GPC5: variants seen among roughly 807,000 people sequenced by gnomAD.
GPC5 encodes the protein glypican-5.
A neutral mutation model predicts 53.9 loss-of-function variants in GPC5; 47 were observed. The ratio of observed to expected loss-of-function variants is 0.87; its 90% CI spans 0.69 to 1.11. The LOEUF (loss-of-function observed/expected upper bound fraction) is 1.11. Among genes scored for constraint, GPC5 ranks in the 50% most tolerant of loss-of-function variants. The pLI is 0.00. For missense variants in GPC5, 748 were observed against 713.1 expected, an observed-to-expected ratio of 1.05 and a Z score of -0.56; for synonymous variants, 286 against 263.3, an observed-to-expected ratio of 1.09 and a Z score of -0.84.
chr13:92,741,682 A>G (rs1475157877), intron 7 of GPC5, among the ~76,000 whole-genome samples: 2 of 152,028 alleles, frequency 1.3e-5, no homozygotes, highest in Non-Finnish European at 2.9e-5. Flanking sequence ...GCTGTGCTGC[A>G]CCCATTAACT....
At chr13:92,272,476 G>A (rs1026026879) in intron 7 of GPC5, among the ~76,000 whole-genome samples, 3 of 152,170 alleles carry the variant, frequency 2.0e-5, no homozygotes, top group African/African-American at 7.2e-5. Context: ...TAGGAAGATA[G>A]TGATTCTGCC....
chr13:91,854,991 G>A (rs2038951732), intron 5 of GPC5, among the ~76,000 whole-genome samples: 1 of 151,654 alleles, frequency 6.6e-6, no homozygotes, highest in African/African-American at 2.4e-5. Context: ...GCCTGGAAAT[G>A]TGAATACATG....
intron 7 of GPC5, among the ~76,000 whole-genome samples, chr13:92,725,235 T>C (rs1888611391): frequency 6.6e-6 from 1 of 151,534 alleles, no homozygotes; most frequent in Non-Finnish European, 1.5e-5. Context: ...CCTGGAATTG[T>C]GATTGTCTCA....
intron 5 of GPC5, among the ~76,000 whole-genome samples, chr13:91,876,575 C>T (rs1344061235): frequency 6.6e-6 from 1 of 152,124 alleles, no homozygotes. Flanking sequence ...TTTAGGGTAT[C>T]TGGTGGAAAA....
chr13:91,929,336 G>T (rs2039798917), intron 6 of GPC5, among the ~76,000 whole-genome samples: 1 of 151,976 alleles, frequency 6.6e-6, no homozygotes, highest in Non-Finnish European at 1.5e-5. Flanking sequence ...AGTAGACTTT[G>T]TATCCTTTAG....
chr13:92,375,062 C>T (rs934392526), intron 7 of GPC5, among the ~76,000 whole-genome samples: 4 of 152,042 alleles, frequency 2.6e-5, no homozygotes, highest in South Asian at 4.1e-4. Flanking sequence ...AGGCCAATGC[C>T]TATTACCAGC....
chr13:92,617,363 T>G (rs1237121451), intron 7 of GPC5, among the ~76,000 whole-genome samples: 1 of 152,214 alleles, frequency 6.6e-6, no homozygotes, highest in Non-Finnish European at 1.5e-5. Flanking sequence ...CTTTCCATTC[T>G]GAATCTCCTT....
At chr13:92,267,159 A>C (rs2042808178) in intron 7 of GPC5, among the ~76,000 whole-genome samples, 1 of 152,130 alleles carries the variant, frequency 6.6e-6, no homozygotes. Flanking sequence ...GCTTAAAAAC[A>C]ACTAATCAAA....
chr13:91,829,395 T>C (rs2038621657), intron 5 of GPC5, among the ~76,000 whole-genome samples: 1 of 152,086 alleles, frequency 6.6e-6, no homozygotes, highest in Non-Finnish European at 1.5e-5. Flanking sequence ...GATCCTGTAC[T>C]GGGAAAAACT....
intron 7 of GPC5, among the ~76,000 whole-genome samples, chr13:92,363,624 C>G (rs952652662): frequency 4.0e-5 from 6 of 151,718 alleles, no homozygotes; most frequent in Non-Finnish European, 5.9e-5. Context: ...AGCCTGGTAC[C>G]AGTCCAGGGC....
chr13:91,749,614 G>A (rs1036580157), intron 4 of GPC5, among the ~76,000 whole-genome samples: 1 of 152,152 alleles, frequency 6.6e-6, no homozygotes, highest in African/African-American at 2.4e-5. Context: ...CCCAATAGTG[G>A]GATTGCTGGA....
intron 7 of GPC5, among the ~76,000 whole-genome samples, chr13:92,459,763 T>C (rs1468721240): frequency 6.6e-6 from 1 of 152,208 alleles, no homozygotes; most frequent in Non-Finnish European, 1.5e-5. Context: ...ATATAACCTA[T>C]GTCAGCAACT....
chr13:92,448,714 G>C (rs1374056447), intron 7 of GPC5: 4 of 151,456 alleles, frequency 2.6e-5, no homozygotes, highest in African/African-American at 9.7e-5. Flanking sequence ...TCTTTTTGTT[G>C]AGTTTATTAT....
rs66619017 is a variant in GPC5 at position 92,200,974 on chromosome 13, GACACACACACACACAC to G, written c.1561+56006_1561+56021del. Among the ~76,000 whole-genome samples, 537 of 147,028 alleles carry G rather than the reference GACACACACACACACAC, an allele frequency of 3.7e-3. 4 individuals carry two copies. Among genetic ancestry groups the G allele is most frequent in the Non-Finnish European group, 5.1e-3 (335 of 66,038 alleles). ...CAACAGACAGACACACAGGCACTCA[GACACACACACACACAC>G]ACACACACACACACACACACGCACA... On this transcript the variant is annotated intron_variant, in intron 7 of 7. Transcript: ENST00000377067.
chr13:92,475,999 T>C lies in GPC5; in HGVS notation c.1561+331010T>C, dbSNP rs529632259. Among the ~76,000 whole-genome samples, 6 of 152,132 alleles carry C rather than the reference T, an allele frequency of 3.9e-5. No individual in the cohort carries two copies. In the East Asian group the frequency reaches 5.8e-4, roughly 15 times the overall value. On this transcript the variant is annotated intron_variant, in intron 7 of 7. Transcript: ENST00000377067. ...TAGGCATGGGCAAGGACTTCATGTCTAAAACACCAAAAGCAATGGCAACAA... is the reference window on the plus strand; with the variant it reads ...TAGGCATGGGCAAGGACTTCATGTCCAAAACACCAAAAGCAATGGCAACAA...
chr13:91,783,431 TTTAA>T (rs1435326329), intron 5 of GPC5, among the ~76,000 whole-genome samples: 5 of 152,138 alleles, frequency 3.3e-5, no homozygotes, highest in East Asian at 3.9e-4. Context: ...TAGTTTTTAC[TTTAA>T]TTAATTTATT....
chr13:91,609,543 C>T (rs2033483013), intron 2 of GPC5, among the ~76,000 whole-genome samples: 1 of 152,152 alleles, frequency 6.6e-6, no homozygotes, highest in Non-Finnish European at 1.5e-5. Flanking sequence ...CCAGAGGTTT[C>T]ACATAAACCC....
chr13:91,773,063 C>T (rs552204790), intron 5 of GPC5, among the ~76,000 whole-genome samples: 5 of 152,076 alleles, frequency 3.3e-5, no homozygotes, highest in African/African-American at 7.2e-5. Flanking sequence ...AGAGCAGATT[C>T]GGTATCTAAT....
At chr13:91,982,776 A>G (rs1019998048) in intron 6 of GPC5, among the ~76,000 whole-genome samples, 1 of 152,224 alleles carries the variant, frequency 6.6e-6, no homozygotes. Flanking sequence ...GGCCAGTCAT[A>G]GGTGGCTTTG....
Sources: allele counts gnomAD v4.1 joint callset (sites outside exome capture counted in the v4.1 genomes callset), GRCh38; gene constraint gnomAD v4.1.1; transcripts MANE v1.5; gene names NCBI Gene and HGNC (gene_info 2026-07-23, HGNC 2026-07-21).